Variants in TMPRSS9 observed in about 807,000 individuals in gnomAD.
TMPRSS9 encodes transmembrane protease serine 9.
A neutral mutation model predicts 111.4 loss-of-function variants in TMPRSS9; 113 were observed. The ratio of observed to expected loss-of-function variants is 1.01; its 90% CI spans 0.87 to 1.19. The LOEUF (loss-of-function observed/expected upper bound fraction) is 1.19, where lower values mean the gene tolerates loss of function less well. Among genes scored for constraint, TMPRSS9 ranks in the 50% most tolerant of loss-of-function variants. TMPRSS9 has a pLI of 0.00. For synonymous variants in TMPRSS9, 805 were observed against 659.1 expected (o/e 1.22, Z -3.39); for missense variants, 1,803 against 1,513.1 (o/e 1.19, Z -3.18).
At position 2,396,521 on chromosome 19, in the gene TMPRSS9, C is replaced by G. The variant is rs1353018580; in HGVS notation, c.143-18C>G. On this transcript the variant is annotated intron_variant, in intron 1 of 17. Coordinates refer to ENST00000648592, the Ensembl canonical transcript of TMPRSS9. ...CCCCAAAGGTGGGCTCTCTCACGGG[C>G]CCTGGTCTCGTCCCCAGCCTTCCTC... is the stretch of plus-strand genomic sequence containing the variant. 1 of 1,585,854 alleles carries G rather than the reference C, an allele frequency of 6.3e-7. No individual in the cohort carries two copies. The highest frequency in any genetic ancestry group is 1.1e-5 in the South Asian group (1 of 87,766).
At chr19:2,414,482 C>T (rs1165096045) in intron 10 of TMPRSS9, among the ~76,000 whole-genome samples, 1 of 152,086 alleles carries the variant, frequency 6.6e-6, no homozygotes, top group Admixed American at 6.6e-5. Flanking sequence ...TCATCATCTG[C>T]CCACCTCAGC....
At chr19:2,393,148 G>A (rs1230410278) in intron 1 of TMPRSS9, among the ~76,000 whole-genome samples, 1 of 152,190 alleles carries the variant, frequency 6.6e-6, no homozygotes, top group South Asian at 2.1e-4. Flanking sequence ...GGAGCCAGCA[G>A]CGGCAACCGG....
exon 11 of TMPRSS9, chr19:2,415,698 G>T (rs1971214047): frequency 6.2e-7 from 1 of 1,605,668 alleles, no homozygotes; most frequent in African/African-American, 1.3e-5. Flanking sequence ...CAATGGAGAA[G>T]CCCACCCGGG....
chr19:2,372,014 G>A (rs1051134358), intron 1 of TMPRSS9, among the ~76,000 whole-genome samples: 19 of 152,174 alleles, frequency 1.2e-4, no homozygotes, highest in African/African-American at 4.6e-4. Flanking sequence ...TGGGATTATA[G>A]GCGCCCGCCA....
chr19:2,397,875 G>A (rs184614026), intron 2 of TMPRSS9, among the ~76,000 whole-genome samples: 2 of 139,724 alleles, frequency 1.4e-5, no homozygotes, highest in African/African-American at 5.4e-5. Context: ...AGCCAAGATC[G>A]TGCCATTGCA....
chr19:2,392,990 C>T (rs998719527), intron 1 of TMPRSS9, among the ~76,000 whole-genome samples: 1 of 152,138 alleles, frequency 6.6e-6, no homozygotes, highest in Non-Finnish European at 1.5e-5. Context: ...CACCCTGCGT[C>T]TAGCTCAGGG....
At chr19:2,399,023 G>A (rs867429450) in exon 4 of TMPRSS9, 1 of 1,610,866 alleles carries the variant, frequency 6.2e-7, no homozygotes, top group Non-Finnish European at 8.5e-7. Context: ...TGTAGGGATG[G>A]GAACTCCAGT....
chr19:2,424,781 A>G (rs1276356164), intron 15 of TMPRSS9, among the ~76,000 whole-genome samples: 1 of 151,422 alleles, frequency 6.6e-6, no homozygotes, highest in Non-Finnish European at 1.5e-5. Flanking sequence ...CGGCCACTAG[A>G]CCCCTTTTCA....
intron 1 of TMPRSS9, among the ~76,000 whole-genome samples, chr19:2,365,616 AC>A (rs1441834757): frequency 1.0e-4 from 14 of 135,628 alleles, no homozygotes; most frequent in South Asian, 4.2e-4. Context: ...AAACAAACAA[AC>A]AAACAAAAAA....
At chr19:2,422,069 C>T in exon 14 of TMPRSS9, 2 of 1,610,320 alleles carry the variant, frequency 1.2e-6, no homozygotes, top group African/African-American at 2.7e-5. Flanking sequence ...CCACCAGCCC[C>T]AGGACGACAG....
chr19:2,370,033 C>T (rs1342561840), intron 1 of TMPRSS9, among the ~76,000 whole-genome samples: 1 of 152,050 alleles, frequency 6.6e-6, no homozygotes, highest in East Asian at 1.9e-4. Flanking sequence ...TATAGCGAAA[C>T]CCCTTCTCTA....
At chr19:2,363,005 G>A (rs1011837031) in intron 1 of TMPRSS9, among the ~76,000 whole-genome samples, 20 of 152,242 alleles carry the variant, frequency 1.3e-4, no homozygotes, top group Non-Finnish European at 2.2e-4. Flanking sequence ...TCTCATCTGG[G>A]GCATGGGGAT....
At chr19:2,399,227 G>C (rs73528053) in intron 4 of TMPRSS9, 34 bp downstream of exon 5, 16 of 1,543,970 alleles carry the variant, frequency 1.0e-5, no homozygotes, top group Non-Finnish European at 1.3e-5. Flanking sequence ...ACCCCATCAC[G>C]AGGAGGCTGG....
chr19:2,414,407 T>C, intron 10 of TMPRSS9, among the ~76,000 whole-genome samples: 1 of 151,976 alleles, frequency 6.6e-6, no homozygotes, highest in Admixed American at 6.5e-5. Flanking sequence ...ACCCGGCTAA[T>C]TTTTGTATTT....
exon 12 of TMPRSS9, chr19:2,416,670 C>T: frequency 6.2e-7 from 1 of 1,613,122 alleles, no homozygotes; most frequent in Non-Finnish European, 8.5e-7. Context: ...TGGACTTCGA[C>T]CTGGCTGTCC....
At chr19:2,381,046 T>G (rs947030389) in intron 1 of TMPRSS9, among the ~76,000 whole-genome samples, 1 of 152,118 alleles carries the variant, frequency 6.6e-6, no homozygotes, top group African/African-American at 2.4e-5. Flanking sequence ...CTTCTAGTTT[T>G]GAGCCATTCT....
intron 9 of TMPRSS9, among the ~76,000 whole-genome samples, chr19:2,413,285 A>C (rs532154934): frequency 6.6e-6 from 1 of 152,292 alleles, no homozygotes; most frequent in Admixed American, 6.5e-5. Flanking sequence ...AGGCCGGACG[A>C]GTGACAGCAG....
At chr19:2,417,073 C>G (rs961373565) in intron 12 of TMPRSS9, among the ~76,000 whole-genome samples, 2 of 152,206 alleles carry the variant, frequency 1.3e-5, no homozygotes, top group African/African-American at 4.8e-5. Flanking sequence ...AACAGATTGT[C>G]TATGGCTGCT....
exon 16 of TMPRSS9, chr19:2,425,166 GCAGCCGCCTGGTGCGTCC>G: frequency 6.4e-7 from 1 of 1,562,348 alleles, no homozygotes; most frequent in Non-Finnish European, 8.6e-7. Context: ...CCGGTGCGTC[GCAGCCGCCTGGTGCGTCC>G]CATCTGCCTG....
Sources: allele counts gnomAD v4.1 joint callset (sites outside exome capture counted in the v4.1 genomes callset), GRCh38; gene constraint gnomAD v4.1.1; transcripts MANE v1.5; gene names NCBI Gene and HGNC (gene_info 2026-07-23, HGNC 2026-07-21).